DAB1: variants seen among roughly 807,000 people sequenced by gnomAD.
DAB1 encodes the protein disabled homolog 1.
In DAB1, 15 loss-of-function variants were observed where a neutral mutation model predicts 64.6. The ratio of observed to expected loss-of-function variants is 0.23; its 90% CI spans 0.16 to 0.36. The LOEUF is 0.36. DAB1 is among the 10% of genes least tolerant of loss of function. The probability of loss-of-function intolerance (pLI) is 1.00; values close to 1 mark genes in which losing one functional copy is unlikely to be tolerated. For missense variants in DAB1, 596 were observed against 706.7 expected, an observed-to-expected ratio of 0.84 and a Z score of 1.78; for synonymous variants, 235 against 251.9, an observed-to-expected ratio of 0.93 and a Z score of 0.64.
intron 5 of DAB1, among the ~76,000 whole-genome samples, chr1:58,126,409 G>C (rs114629209): frequency 0.019 from 2,950 of 151,558 alleles, 42 homozygotes; most frequent in Admixed American, 0.035. Flanking sequence ...ACACATAGCA[G>C]TTCCATGACT....
chr1:57,548,221 T>C (rs1009372580), intron 7 of DAB1, among the ~76,000 whole-genome samples: 1 of 152,156 alleles, frequency 6.6e-6, no homozygotes, highest in Non-Finnish European at 1.5e-5. Flanking sequence ...TTTAAAAATA[T>C]CACCTCATTT....
At chr1:57,945,610 T>C (rs965038218) in intron 5 of DAB1, among the ~76,000 whole-genome samples, 1 of 152,100 alleles carries the variant, frequency 6.6e-6, no homozygotes, top group African/African-American at 2.4e-5. Flanking sequence ...TTCTACTGAA[T>C]GAGAGGTTGA....
chr1:58,054,894 C>G (rs1418035620), intron 5 of DAB1, among the ~76,000 whole-genome samples: 1 of 152,170 alleles, frequency 6.6e-6, no homozygotes, highest in Non-Finnish European at 1.5e-5. Flanking sequence ...GATGACAACC[C>G]GCTGTCAAGC....
At chr1:57,954,866 C>A (rs1645355933) in intron 5 of DAB1, among the ~76,000 whole-genome samples, 2 of 152,244 alleles carry the variant, frequency 1.3e-5, no homozygotes, top group South Asian at 2.1e-4. Flanking sequence ...ATCCTTATAA[C>A]AGTTCTAGGT....
chr1:57,881,071 A>G (rs1287381881), intron 1 of DAB1, among the ~76,000 whole-genome samples: 1 of 152,222 alleles, frequency 6.6e-6, no homozygotes, highest in Non-Finnish European at 1.5e-5. Context: ...CAGTTTCCCT[A>G]TCTGTAAAAT....
chr1:58,070,457 T>C (rs926131959), intron 5 of DAB1, among the ~76,000 whole-genome samples: 5 of 152,144 alleles, frequency 3.3e-5, no homozygotes, highest in African/African-American at 7.2e-5. Context: ...ATAGTAGTGG[T>C]GGATGAGCCA....
intron 4 of DAB1, among the ~76,000 whole-genome samples, chr1:58,287,516 T>C (rs1236824409): frequency 2.0e-5 from 3 of 152,144 alleles, no homozygotes; most frequent in African/African-American, 7.2e-5. Context: ...TGGTTCGCAG[T>C]TGATACTGGC....
At chr1:57,025,555 C>T (rs943527071) in intron 10 of DAB1, among the ~76,000 whole-genome samples, 1 of 152,130 alleles carries the variant, frequency 6.6e-6, no homozygotes, top group Non-Finnish European at 1.5e-5. Context: ...GGCTGACCAC[C>T]TATGCTGTAC....
intron 7 of DAB1, among the ~76,000 whole-genome samples, chr1:57,466,984 T>A (rs1345465078): frequency 6.6e-6 from 1 of 152,212 alleles, no homozygotes; most frequent in Non-Finnish European, 1.5e-5. Flanking sequence ...CCAGATAATC[T>A]CCATTTTGAC....
chr1:57,734,206 G>A (rs1403548055), intron 6 of DAB1, among the ~76,000 whole-genome samples: 2 of 152,192 alleles, frequency 1.3e-5, no homozygotes, highest in Non-Finnish European at 2.9e-5. Flanking sequence ...TTGGGCAACT[G>A]AGTCACCTCA....
At chr1:58,545,506 T>C (rs3813996) in intron 1 of DAB1, among the ~76,000 whole-genome samples, 95,943 of 151,198 alleles carry the variant, frequency 0.63, 32,161 homozygotes, top group East Asian at 0.84. Flanking sequence ...ACAGAGCACA[T>C]AAGAAAAAAA....
chr1:57,390,336 A>G (rs1446298471), intron 1 of DAB1, among the ~76,000 whole-genome samples: 1 of 152,212 alleles, frequency 6.6e-6, no homozygotes, highest in Admixed American at 6.5e-5. Flanking sequence ...CCTGTAATGG[A>G]GATATTAACA....
At chr1:57,731,792 G>A (rs910858063) in intron 6 of DAB1, among the ~76,000 whole-genome samples, 1 of 141,120 alleles carries the variant, frequency 7.1e-6, no homozygotes, top group Non-Finnish European at 1.5e-5. Context: ...GTGACAGAGT[G>A]AGATGCTGTC....
At chr1:57,212,657 G>A (rs898970228) in intron 2 of DAB1, among the ~76,000 whole-genome samples, 8 of 151,914 alleles carry the variant, frequency 5.3e-5, no homozygotes, top group Admixed American at 2.6e-4. Context: ...GTGAGCCACC[G>A]CGCCCCGCCT....
chr1:57,489,903 G>A (rs771588910), intron 7 of DAB1, among the ~76,000 whole-genome samples: 17 of 152,118 alleles, frequency 1.1e-4, no homozygotes, highest in Admixed American at 7.9e-4. Context: ...AAACTCATAC[G>A]TTGAAACCTA....
chr1:57,359,222 T>C (rs1351474074), intron 1 of DAB1, among the ~76,000 whole-genome samples: 1 of 151,902 alleles, frequency 6.6e-6, no homozygotes, highest in Admixed American at 6.6e-5. Flanking sequence ...CCAAAATATA[T>C]AGGGAACTCA....
intron 7 of DAB1, among the ~76,000 whole-genome samples, chr1:57,490,519 TA>T (rs1428829533): frequency 6.6e-6 from 1 of 152,198 alleles, no homozygotes; most frequent in African/African-American, 2.4e-5. Context: ...CTAGGATTTT[TA>T]TGAAATTAAA....
chr1:57,695,895 CA>C (rs1038629290), intron 6 of DAB1, among the ~76,000 whole-genome samples: 4 of 152,034 alleles, frequency 2.6e-5, no homozygotes, highest in Non-Finnish European at 5.9e-5. Flanking sequence ...AGTGAGATTC[CA>C]TCTCAAACAA....
At chr1:58,155,247 C>G (rs2100740074) in intron 4 of DAB1, among the ~76,000 whole-genome samples, 1 of 152,318 alleles carries the variant, frequency 6.6e-6, no homozygotes, top group East Asian at 1.9e-4. Flanking sequence ...ATGTCTATAC[C>G]TAGACTCTAG....
Sources: gnomAD v4.1 joint callset for allele counts (sites outside exome capture counted in the v4.1 genomes callset) on GRCh38, gnomAD v4.1.1 for gene constraint, MANE v1.5 for transcripts, NCBI Gene and HGNC (gene_info 2026-07-23, HGNC 2026-07-21) for gene names.